Variants in HAT1 observed in about 807,000 individuals in gnomAD.
The protein encoded by HAT1 is histone acetyltransferase type B catalytic subunit.
In HAT1, 20 loss-of-function variants were observed where a neutral mutation model predicts 56.6. The observed-to-expected ratio is 0.35, with a 90% CI of 0.25 to 0.51. HAT1 has a LOEUF of 0.51. Among genes scored for constraint, HAT1 ranks in the 20% least tolerant of loss-of-function variants. The pLI is 0.95. For synonymous variants in HAT1, 146 were observed against 165.5 expected, an observed-to-expected ratio of 0.88 and a Z score of 0.91; for missense variants, 408 against 504.3, an observed-to-expected ratio of 0.81 and a Z score of 1.83.
At chr2:171,938,025 T>TCTCTCTCTCC (rs1553482937) in intron 2 of HAT1, among the ~76,000 whole-genome samples, 1 of 5,998 alleles carries the variant, frequency 1.7e-4, no homozygotes, top group Non-Finnish European at 4.1e-4. Flanking sequence ...GTCTACTGAT[T>TCTCTCTCTCC]CTCTCTCTCT....
intron 4 of HAT1, among the ~76,000 whole-genome samples, chr2:171,959,035 C>T (rs1289497738): frequency 6.6e-6 from 1 of 152,094 alleles, no homozygotes; most frequent in Non-Finnish European, 1.5e-5. Context: ...GATGACTGAG[C>T]TTGCCAGATA....
intron 4 of HAT1, among the ~76,000 whole-genome samples, chr2:171,956,247 G>A (rs1687443437): frequency 6.6e-6 from 1 of 150,970 alleles, no homozygotes; most frequent in South Asian, 2.1e-4. Context: ...ACTTTGGGAG[G>A]CCAAGGTAGG....
chr2:171,983,263 A>G lies in HAT1; in HGVS notation c.1171A>G (p.Ile391Val). ...GACAAACCAGATGAACCAAATAGAA[A>G]TAAGCATGCAACATGAACAGCTGGA... ...ELTNQMNQIE[I>V]SMQHEQLEES... The change falls in exon 11 of 11, where the codon ATA (isoleucine) becomes GTA (valine). Residue 391 changes from isoleucine to valine, a missense_variant. Ile to Val is a conservative substitution (Grantham distance 29). Coordinates refer to ENST00000264108, the MANE Select transcript of HAT1 (RefSeq NM_003642.4). 6.2e-7 allele frequency: 1 copy of G among 1,604,738 alleles called. No homozygotes were observed. The highest frequency in any genetic ancestry group is 8.5e-7 in the Non-Finnish European group (1 of 1,172,092).
chr2:171,970,729 A>G (rs1177609841), intron 8 of HAT1, among the ~76,000 whole-genome samples: 1 of 149,888 alleles, frequency 6.7e-6, no homozygotes, highest in Non-Finnish European at 1.5e-5. Flanking sequence ...CGTATTGGCC[A>G]GGCTGGTCTC....
intron 2 of HAT1, among the ~76,000 whole-genome samples, chr2:171,926,866 G>A (rs1172844747): frequency 6.6e-6 from 1 of 152,210 alleles, no homozygotes; most frequent in African/African-American, 2.4e-5. Flanking sequence ...TCATAGCTGC[G>A]TTATTCACAG....
intron 9 of HAT1, among the ~76,000 whole-genome samples, chr2:171,976,703 ATATT>A (rs1270288130): frequency 6.6e-6 from 1 of 152,228 alleles, no homozygotes; most frequent in Non-Finnish European, 1.5e-5. Flanking sequence ...ATACTTTTAT[ATATT>A]TATTTAAATT....
intron 2 of HAT1, among the ~76,000 whole-genome samples, chr2:171,928,557 G>A (rs1686655577): frequency 6.6e-6 from 1 of 152,180 alleles, no homozygotes; most frequent in Non-Finnish European, 1.5e-5. Context: ...TGCTTGGGCT[G>A]GAGTGCAGTG....
intron 4 of HAT1, among the ~76,000 whole-genome samples, chr2:171,955,156 G>A (rs567843043): frequency 2.0e-5 from 3 of 152,260 alleles, no homozygotes; most frequent in South Asian, 4.1e-4. Flanking sequence ...CACAGGAAAC[G>A]AATACAGGTT....
At chr2:171,972,807 C>CT (rs1687853134) in intron 8 of HAT1, among the ~76,000 whole-genome samples, 1 of 152,224 alleles carries the variant, frequency 6.6e-6, no homozygotes, top group South Asian at 2.1e-4. Context: ...GCTTTCCTCT[C>CT]TTTCTTCCTC....
chr2:171,983,253 C>A lies in HAT1; in HGVS notation c.1161C>A (p.Asn387Lys). The change falls in exon 11 of 11, where the codon AAC becomes AAA. Residue 387 changes from asparagine (N) to lysine (K), a missense_variant. By Grantham distance (94) the Asn-to-Lys change is moderately conservative. Coordinates refer to ENST00000264108, the MANE Select transcript of HAT1 (RefSeq NM_003642.4). ...LRPEELTNQM[N>K]QIEISMQHEQ... is the part of the protein sequence containing the mutation. ...CAGAAGAACTGACAAACCAGATGAA[C>A]CAAATAGAAATAAGCATGCAACATG... 1 of 1,602,714 alleles carries A rather than the reference C, an allele frequency of 6.2e-7. No homozygotes were observed. Among genetic ancestry groups the A allele is most frequent in the Non-Finnish European group, 8.5e-7 (1 of 1,170,810 alleles).
chr2:171,925,713 G>T, intron 2 of HAT1, 72 bp downstream of exon 2: 1 of 675,358 alleles, frequency 1.5e-6, no homozygotes, highest in East Asian at 2.7e-5. Context: ...TTTTAAATTT[G>T]AAGTAAAATT....
chr2:171,962,505 C>T (rs2105332920), intron 4 of HAT1, among the ~76,000 whole-genome samples: 1 of 152,300 alleles, frequency 6.6e-6, no homozygotes, highest in Admixed American at 6.5e-5. Context: ...AGTGATTCTC[C>T]TGCCTCAGCC....
chr2:171,971,152 C>T (rs1250216594), intron 8 of HAT1, among the ~76,000 whole-genome samples: 1 of 152,158 alleles, frequency 6.6e-6, no homozygotes, highest in Non-Finnish European at 1.5e-5. Flanking sequence ...GAGCCAAGAT[C>T]GCGCCACTGT....
At chr2:171,925,880 A>G (rs148244210) in intron 2 of HAT1, among the ~76,000 whole-genome samples, 83 of 152,310 alleles carry the variant, frequency 5.4e-4, no homozygotes, top group African/African-American at 1.6e-3. Flanking sequence ...GCAAAAAGTA[A>G]TAAGTATATA....
intron 4 of HAT1, among the ~76,000 whole-genome samples, chr2:171,957,834 C>T (rs1353272539): frequency 6.6e-6 from 1 of 152,096 alleles, no homozygotes; most frequent in East Asian, 1.9e-4. Flanking sequence ...CTTTTCTTTG[C>T]ACTTATTAAT....
intron 9 of HAT1, among the ~76,000 whole-genome samples, chr2:171,977,557 A>ATAAT (rs1271452199): frequency 6.1e-5 from 1 of 16,358 alleles, no homozygotes; most frequent in African/African-American, 2.2e-4. Flanking sequence ...ATATATATAT[A>ATAAT]TTTTTTTTTT....
chr2:171,954,517 C>T (rs1687393369), intron 4 of HAT1, among the ~76,000 whole-genome samples: 1 of 152,156 alleles, frequency 6.6e-6, no homozygotes, highest in South Asian at 2.1e-4. Flanking sequence ...AAAACCCCGT[C>T]TCTACTAAAA....
At chr2:171,946,633 T>C (rs966478983) in intron 2 of HAT1, 75 bp from the exon 3 acceptor site, 2 of 855,596 alleles carry the variant, frequency 2.3e-6, no homozygotes, top group African/African-American at 3.4e-5. Flanking sequence ...CTGAAACTCA[T>C]GAAATAGGAA....
intron 2 of HAT1, 39 bp downstream of exon 2, chr2:171,925,680 G>C (rs1230881224): frequency 4.8e-6 from 4 of 828,056 alleles, no homozygotes; most frequent in Non-Finnish European, 8.5e-6. Flanking sequence ...TGTACATACT[G>C]TGTGTGTATA....
Sources: gnomAD v4.1 joint callset for allele counts (sites outside exome capture counted in the v4.1 genomes callset) on GRCh38, gnomAD v4.1.1 for gene constraint, MANE v1.5 for transcripts, NCBI Gene and HGNC (gene_info 2026-07-23, HGNC 2026-07-21) for gene names.